GATB: variants seen among roughly 807,000 people sequenced by gnomAD.
The protein encoded by GATB is glutamyl-tRNA(Gln) amidotransferase subunit B, mitochondrial.
A neutral mutation model predicts 62.3 loss-of-function variants in GATB; 39 were observed. The ratio of observed to expected loss-of-function variants is 0.63; its 90% CI spans 0.48 to 0.82. The LOEUF (loss-of-function observed/expected upper bound fraction) is 0.82. GATB is among the 40% of genes least tolerant of loss of function. The pLI is 0.00. For missense variants in GATB, 670 were observed against 684.0 expected (o/e 0.98, Z 0.23); for synonymous variants, 276 against 258.9 (o/e 1.07, Z -0.63).
At position 151,701,320 on chromosome 4, in the gene GATB, G is replaced by A. The variant is rs892698135; in HGVS notation, c.1197+9C>T. The A allele has an allele frequency of 4.0e-6, 6 of 1,513,524 alleles. No homozygotes were observed. The highest frequency in any genetic ancestry group is 2.7e-5 in the South Asian group (2 of 74,210). The allele number at this position is 1,513,524 out of a possible 1,614,324, so 93.8% of individuals were successfully genotyped here. On this transcript the variant is annotated intron_variant, in intron 9 of 12. Transcript: ENST00000263985. ...GCCGGGATCCTCTTGGCATCCGATC[G>A]ATACCTACCAGCAAAGTGAAGCTGT...
intron 5 of GATB, among the ~76,000 whole-genome samples, chr4:151,713,018 C>T (rs537699056): frequency 1.4e-4 from 21 of 152,264 alleles, no homozygotes; most frequent in African/African-American, 4.6e-4. Flanking sequence ...ATCTGAGCTC[C>T]GCCTCCTGTC....
At chr4:151,716,508 C>G (rs1308933259) in intron 4 of GATB, among the ~76,000 whole-genome samples, 1 of 152,094 alleles carries the variant, frequency 6.6e-6, no homozygotes, top group Non-Finnish European at 1.5e-5. Context: ...ACTCTGCGTA[C>G]AGTGATCCTC....
intron 2 of GATB, among the ~76,000 whole-genome samples, chr4:151,752,635 T>C (rs2126999337): frequency 6.6e-6 from 1 of 152,330 alleles, no homozygotes. Flanking sequence ...AGTATTGTGT[T>C]CTTGTTTCAA....
At chr4:151,698,298 T>A (rs2126966909) in intron 9 of GATB, among the ~76,000 whole-genome samples, 1 of 152,142 alleles carries the variant, frequency 6.6e-6, no homozygotes, top group Admixed American at 6.5e-5. Flanking sequence ...TTAAGAATAA[T>A]TTGGTGCTCA....
At chr4:151,734,844 T>C (rs1739338829) in intron 2 of GATB, among the ~76,000 whole-genome samples, 1 of 152,170 alleles carries the variant, frequency 6.6e-6, no homozygotes, top group Non-Finnish European at 1.5e-5. Flanking sequence ...GGACACCCTT[T>C]TCAACAAATG....
intron 9 of GATB, among the ~76,000 whole-genome samples, chr4:151,698,150 G>C (rs192312211): frequency 5.3e-4 from 80 of 151,608 alleles, no homozygotes; most frequent in Non-Finnish European, 7.9e-4. Flanking sequence ...CAGGAACACT[G>C]CTTCTCCCAG....
intron 2 of GATB, among the ~76,000 whole-genome samples, chr4:151,754,429 T>C (rs1030825554): frequency 2.0e-5 from 3 of 152,178 alleles, no homozygotes; most frequent in Non-Finnish European, 4.4e-5. Context: ...TATTAAAAGG[T>C]AGTGCAACTG....
intron 8 of GATB, among the ~76,000 whole-genome samples, chr4:151,702,485 T>G (rs2126969337): frequency 1.3e-5 from 2 of 152,298 alleles, no homozygotes; most frequent in South Asian, 4.1e-4. Context: ...GGAACCCTAG[T>G]GTAAACCATG....
rs1315899602 is a variant in GATB at position 151,757,678 on chromosome 4, C to T, written c.327+1094G>A. Among the ~76,000 whole-genome samples, 8 of 152,132 alleles carry T rather than the reference C, an allele frequency of 5.3e-5. No homozygotes were observed. The East Asian group carries it at 5.8e-4, about 11-fold the overall frequency. ...ACTATTAGTAGAGATGGGGTTTCACCGTGTTAGCCAGGATGGTCTCGATCT... is the reference window on the plus strand; with the variant it reads ...ACTATTAGTAGAGATGGGGTTTCACTGTGTTAGCCAGGATGGTCTCGATCT... On this transcript the variant is annotated intron_variant, in intron 2 of 12. Coordinates refer to ENST00000263985, the MANE Select transcript of GATB (RefSeq NM_004564.3).
At chr4:151,721,837 A>G (rs1005851663) in intron 2 of GATB, 1 of 225,312 alleles carries the variant, frequency 4.4e-6, no homozygotes, top group Non-Finnish European at 8.5e-6. Context: ...CCTGTGGGAG[A>G]AGAGTTGAGG....
chr4:151,711,749 C>T (rs1453583670), intron 5 of GATB, among the ~76,000 whole-genome samples: 3 of 152,210 alleles, frequency 2.0e-5, no homozygotes, highest in Admixed American at 1.3e-4. Flanking sequence ...GCAGGAACAA[C>T]GCCTTTTGTG....
intron 10 of GATB, among the ~76,000 whole-genome samples, chr4:151,686,703 C>T (rs1263202084): frequency 7.5e-6 from 1 of 133,744 alleles, no homozygotes; most frequent in Non-Finnish European, 1.6e-5. Flanking sequence ...TCTGTGCCAT[C>T]GCGCCTGCAT....
chr4:151,702,290 T>G (rs1738622245), intron 8 of GATB, among the ~76,000 whole-genome samples: 2 of 152,078 alleles, frequency 1.3e-5, no homozygotes, highest in South Asian at 4.1e-4. Flanking sequence ...GGAAAAAAAT[T>G]TACCCTTGAG....
At chr4:151,684,758 G>C (rs1738210516) in intron 10 of GATB, among the ~76,000 whole-genome samples, 1 of 152,196 alleles carries the variant, frequency 6.6e-6, no homozygotes, top group Non-Finnish European at 1.5e-5. Flanking sequence ...CTCTTTACTT[G>C]ATTTTGGAAC....
chr4:151,691,128 G>A (rs1320677430), intron 9 of GATB, among the ~76,000 whole-genome samples: 1 of 152,182 alleles, frequency 6.6e-6, no homozygotes, highest in East Asian at 1.9e-4. Flanking sequence ...GAAAAACAGT[G>A]AGCTGGTAAT....
At chr4:151,700,365 C>A (rs1738576923) in intron 9 of GATB, among the ~76,000 whole-genome samples, 1 of 152,144 alleles carries the variant, frequency 6.6e-6, no homozygotes, top group Non-Finnish European at 1.5e-5. Context: ...AGGCAGTGAC[C>A]AACTCTGCTT....
intron 1 of GATB, 67 bp from the exon 2 acceptor site, chr4:151,758,989 T>G (rs1247287033): frequency 8.8e-7 from 1 of 1,140,694 alleles, no homozygotes; most frequent in Admixed American, 2.5e-5. Flanking sequence ...TCTATAAGTC[T>G]AAACCACAAA....
chr4:151,671,034 A>G lies in GATB; in HGVS notation c.*140T>C. ...CCTAGAGGGTGAGAACACTGGTGAC[A>G]TTAATGCCATAGCTGTGGCTTGGGA... On this transcript the variant is annotated 3_prime_UTR_variant, in exon 13 of 13. Transcript: ENST00000263985. 2.0e-6 allele frequency: 2 copies of G among 992,270 alleles called. No homozygotes were observed. The highest frequency in any genetic ancestry group is 2.4e-5 in the East Asian group (1 of 41,766). 61.5% of individuals were successfully genotyped at this position (992,270 alleles called of 1,614,324 possible). A position where few individuals can be genotyped will look rare whatever the true frequency, so the allele number is the denominator to read the frequency against.
At chr4:151,734,857 G>A (rs1050754968) in intron 2 of GATB, among the ~76,000 whole-genome samples, 1 of 152,182 alleles carries the variant, frequency 6.6e-6, no homozygotes, top group Non-Finnish European at 1.5e-5. Context: ...AACAAATGGT[G>A]CTGTGATAAT....
Sources: allele counts gnomAD v4.1 joint callset (sites outside exome capture counted in the v4.1 genomes callset), GRCh38; gene constraint gnomAD v4.1.1; transcripts MANE v1.5; gene names NCBI Gene and HGNC (gene_info 2026-07-23, HGNC 2026-07-21).